The following AAGAB variants were observed in gnomAD, a reference collection of about 807,000 sequenced individuals.
The protein encoded by AAGAB is alpha and gamma adaptin binding protein.
AAGAB carries 38 observed loss-of-function variants against 44.1 expected under a neutral mutation model. That is an observed-to-expected ratio of 0.86 (90% CI 0.67 to 1.13). The LOEUF is 1.13. Among genes scored for constraint, AAGAB ranks in the 50% most tolerant of loss-of-function variants. The pLI, the probability that AAGAB is intolerant of heterozygous loss-of-function variation, is 0.00. For synonymous variants in AAGAB, 131 were observed against 131.8 expected, an observed-to-expected ratio of 0.99 and a Z score of 0.04; for missense variants, 450 against 373.8, an observed-to-expected ratio of 1.20 and a Z score of -1.68.
At chr15:67,228,462 G>C (rs1224536941) in intron 5 of AAGAB, among the ~76,000 whole-genome samples, 1 of 152,186 alleles carries the variant, frequency 6.6e-6, no homozygotes, top group Non-Finnish European at 1.5e-5. Flanking sequence ...TGATTAAAAA[G>C]TCAGAAAATA....
At chr15:67,250,959 G>A (rs780365714) in intron 1 of AAGAB, among the ~76,000 whole-genome samples, 3 of 152,134 alleles carry the variant, frequency 2.0e-5, no homozygotes, top group Non-Finnish European at 4.4e-5. Flanking sequence ...CCCAGGAGGC[G>A]GAGCTTGCAG....
At chr15:67,207,951 C>T (rs573776960) in intron 7 of AAGAB, among the ~76,000 whole-genome samples, 1 of 152,276 alleles carries the variant, frequency 6.6e-6, no homozygotes, top group Admixed American at 6.5e-5. Context: ...TATTACTGCA[C>T]ATGAGCCGTC....
Position 67,252,665 on chromosome 15 carries a change from G to A in AAGAB, c.73+1894C>T, listed in dbSNP as rs544750945. ...TAAAGAAAAAAGAGGAAGGAAGGAA[G>A]AAAAGAAGGAAGAAAGGAGGGAAGG... is the stretch of plus-strand genomic sequence containing the variant. On this transcript the variant is annotated intron_variant, in intron 1 of 9. Coordinates refer to ENST00000261880, the MANE Select transcript of AAGAB (RefSeq NM_024666.5). Among the ~76,000 whole-genome samples the A allele has an allele frequency of 8.0e-4, 121 of 152,086 alleles. 1 individual carries two copies. The highest frequency in any genetic ancestry group is 3.3e-3 in the Admixed American group (51 of 15,282).
At chr15:67,215,753 A>G (rs540311548) in intron 5 of AAGAB, among the ~76,000 whole-genome samples, 1 of 152,364 alleles carries the variant, frequency 6.6e-6, no homozygotes, top group Non-Finnish European at 1.5e-5. Context: ...CTAGCATCAG[A>G]GAAATAAACT....
chr15:67,254,636 G>C lies in AAGAB; in HGVS notation c.-5C>G, dbSNP rs1480065996. ...ACAGGGTACGCCAGCAGCCATAGCT[G>C]CGCTCGCGAGCCGGTTCCGTCAGGC... is the stretch of plus-strand genomic sequence containing the variant. On this transcript the variant is annotated 5_prime_UTR_variant, in exon 1 of 10. Transcript: ENST00000261880. The C allele has an allele frequency of 8.8e-6, 14 of 1,585,536 alleles. No homozygotes were observed. The highest frequency in any genetic ancestry group is 3.4e-5 in the South Asian group (3 of 87,920).
chr15:67,240,956 C>T (rs1214158472), intron 1 of AAGAB, among the ~76,000 whole-genome samples: 1 of 151,762 alleles, frequency 6.6e-6, no homozygotes, highest in African/African-American at 2.4e-5. Context: ...GAATCAATAA[C>T]AGGTGATACT....
chr15:67,229,714 A>C (rs983083619), intron 5 of AAGAB, among the ~76,000 whole-genome samples: 6 of 152,118 alleles, frequency 3.9e-5, no homozygotes, highest in Non-Finnish European at 7.3e-5. Flanking sequence ...AAGGGTGCCA[A>C]TCTCACTTAA....
intron 1 of AAGAB, among the ~76,000 whole-genome samples, chr15:67,244,172 G>A (rs1964667509): frequency 6.6e-6 from 1 of 152,086 alleles, no homozygotes; most frequent in Non-Finnish European, 1.5e-5. Context: ...GAATAATGAA[G>A]AACATTCATT....
chr15:67,202,980 G>A (rs549886538), intron 9 of AAGAB, 82 bp from the exon 10 acceptor site: 2 of 1,355,072 alleles, frequency 1.5e-6, no homozygotes, highest in African/African-American at 1.4e-5. Context: ...AACTGACTGA[G>A]ACCTAAAATT....
intron 5 of AAGAB, among the ~76,000 whole-genome samples, chr15:67,210,267 A>G (rs767761830): frequency 2.3e-4 from 35 of 152,244 alleles, no homozygotes; most frequent in Non-Finnish European, 4.4e-4. Flanking sequence ...CTGTAATCCC[A>G]GCACTTTGGG....
Position 67,200,731 on chromosome 15 carries a change from G to C in AAGAB, c.*2090C>G, listed in dbSNP as rs1963553312. On this transcript the variant is annotated 3_prime_UTR_variant, in exon 10 of 10. Coordinates refer to ENST00000261880, the MANE Select transcript of AAGAB (RefSeq NM_024666.5). ...GGTAGCATGAACATAGGTCACTTTA[G>C]ATAGACTGCAGCTATTACTGTAGTG... 6.6e-6 allele frequency among the ~76,000 whole-genome samples: 1 copy of C among 152,226 alleles called. No homozygotes were observed. Among genetic ancestry groups the C allele is most frequent in the Non-Finnish European group, 1.5e-5 (1 of 68,042 alleles).
intron 1 of AAGAB, 41 bp from the exon 2 acceptor site, chr15:67,236,861 C>T: frequency 1.4e-6 from 2 of 1,481,262 alleles, no homozygotes; most frequent in Non-Finnish European, 1.8e-6. Context: ...AGTGCAAAAC[C>T]AATATACATT....
At chr15:67,225,683 CATA>C (rs149535794) in intron 5 of AAGAB, among the ~76,000 whole-genome samples, 253 of 152,276 alleles carry the variant, frequency 1.7e-3, no homozygotes, top group African/African-American at 5.7e-3. Flanking sequence ...TTTCACTTAG[CATA>C]ATGTTTTTGA....
At position 67,231,843 on chromosome 15, in the gene AAGAB, T is replaced by C. The variant is rs764873967; in HGVS notation, c.506A>G (p.Asn169Ser). The change falls in exon 5 of 10, where the codon AAT becomes AGT. Residue 169 changes from asparagine to serine, a missense_variant. Transcript: ENST00000261880. The stretch of plus-strand genomic sequence containing the variant: ...CTTCATCACTACATTGGACCACACA[T>C]TGGCATTCAGGGCTTGGACAATTCG... The part of the protein sequence containing the change: ...VKRIVQALNA[N>S]VWSNVVMKND... 6.8e-6 allele frequency: 11 copies of C among 1,612,462 alleles called. No homozygotes were observed. Among genetic ancestry groups the C allele is most frequent in the African/African-American group, 5.3e-5 (4 of 74,860 alleles).
intron 5 of AAGAB, among the ~76,000 whole-genome samples, chr15:67,218,536 G>A (rs1964001687): frequency 6.6e-6 from 1 of 152,080 alleles, no homozygotes; most frequent in Non-Finnish European, 1.5e-5. Flanking sequence ...TACTTACCCA[G>A]TGCCTCTCAA....
intron 1 of AAGAB, 103 bp from the exon 2 acceptor site, chr15:67,236,923 C>T: frequency 1.1e-6 from 1 of 890,994 alleles, no homozygotes; most frequent in Non-Finnish European, 1.6e-6. Context: ...TTGCTGTTTC[C>T]TTTTATGTGA....
At chr15:67,249,728 G>A (rs925315877) in intron 1 of AAGAB, among the ~76,000 whole-genome samples, 1 of 152,134 alleles carries the variant, frequency 6.6e-6, no homozygotes, top group African/African-American at 2.4e-5. Flanking sequence ...TGACTGCTAA[G>A]GAATCTCAAC....
chr15:67,218,913 G>A (rs1372197983), intron 5 of AAGAB, among the ~76,000 whole-genome samples: 3 of 152,074 alleles, frequency 2.0e-5, no homozygotes, highest in Non-Finnish European at 4.4e-5. Context: ...AAGAAAAGAC[G>A]GTATAGACAA....
intron 6 of AAGAB, 148 bp downstream of exon 6, chr15:67,209,314 G>A: frequency 1.4e-6 from 1 of 713,014 alleles, no homozygotes; most frequent in South Asian, 1.9e-5. Flanking sequence ...TTTAGCAAGG[G>A]CTGTTTTAGA....
Sources: allele counts gnomAD v4.1 joint callset (sites outside exome capture counted in the v4.1 genomes callset), GRCh38; gene constraint gnomAD v4.1.1; transcripts MANE v1.5; gene names NCBI Gene and HGNC (gene_info 2026-07-23, HGNC 2026-07-21).